The following ZFPM2 variants were observed in gnomAD, a reference collection of about 807,000 sequenced individuals.
ZFPM2 encodes zinc finger protein, FOG family member 2.
ZFPM2 carries 20 observed loss-of-function variants against 98.6 expected under a neutral mutation model. The observed-to-expected ratio is 0.20, with a 90% confidence interval of 0.14 to 0.29. ZFPM2 has a LOEUF of 0.29. ZFPM2 is among the 10% of genes least tolerant of loss of function. The probability of loss-of-function intolerance (pLI) is 1.00; values close to 1 mark genes in which losing one functional copy is unlikely to be tolerated. For missense variants in ZFPM2, 1,310 were observed against 1,388.6 expected (o/e 0.94, Z 0.90); for synonymous variants, 518 against 502.7 (o/e 1.03, Z -0.41).
intron 3 of ZFPM2, among the ~76,000 whole-genome samples, chr8:105,469,750 T>C (rs1259527008): frequency 6.6e-6 from 1 of 152,224 alleles, no homozygotes; most frequent in Non-Finnish European, 1.5e-5. Flanking sequence ...TGTTAACTCA[T>C]TTAGTCTCAT....
At chr8:105,426,390 G>T (rs947535815) in intron 2 of ZFPM2, among the ~76,000 whole-genome samples, 2 of 152,052 alleles carry the variant, frequency 1.3e-5, no homozygotes, top group Non-Finnish European at 2.9e-5. Context: ...CTCTGGATTT[G>T]GCTGGAGTGG....
At chr8:105,647,694 A>G (rs1401954693) in intron 5 of ZFPM2, among the ~76,000 whole-genome samples, 2 of 152,160 alleles carry the variant, frequency 1.3e-5, no homozygotes, top group African/African-American at 2.4e-5. Flanking sequence ...ACGTCCCCAC[A>G]AAGGACATGA....
chr8:105,775,218 GAGAA>G (rs887371208), intron 5 of ZFPM2, among the ~76,000 whole-genome samples: 4 of 152,080 alleles, frequency 2.6e-5, no homozygotes, highest in African/African-American at 9.7e-5. Context: ...GAAGTGGAAG[GAGAA>G]AGAAAGAAAT....
intron 1 of ZFPM2, among the ~76,000 whole-genome samples, chr8:105,344,775 C>T (rs891417158): frequency 6.6e-6 from 1 of 151,818 alleles, no homozygotes; most frequent in African/African-American, 2.4e-5. Flanking sequence ...AGCCATTGTC[C>T]TTTATATCAA....
intron 5 of ZFPM2, among the ~76,000 whole-genome samples, chr8:105,650,981 T>C (rs1817159109): frequency 6.6e-6 from 1 of 152,144 alleles, no homozygotes; most frequent in Admixed American, 6.5e-5. Flanking sequence ...TCTTCAATTC[T>C]AGCGTCTTCT....
intron 5 of ZFPM2, chr8:105,670,050 T>G (rs1223072443): frequency 6.6e-6 from 1 of 152,106 alleles, no homozygotes; most frequent in East Asian, 1.9e-4. Context: ...GAGTCAAACT[T>G]TATTCTTTTT....
intron 3 of ZFPM2, among the ~76,000 whole-genome samples, chr8:105,544,020 AG>A (rs1484669207): frequency 2.6e-5 from 4 of 152,204 alleles, no homozygotes; most frequent in African/African-American, 9.6e-5. Flanking sequence ...GGTTATCAAA[AG>A]GTGTTTTGGA....
At chr8:105,676,711 G>T (rs1194702042) in intron 5 of ZFPM2, among the ~76,000 whole-genome samples, 2 of 151,674 alleles carry the variant, frequency 1.3e-5, no homozygotes, top group Non-Finnish European at 2.9e-5. Context: ...AATGAAAGAT[G>T]GGACAAAGAG....
intron 5 of ZFPM2, among the ~76,000 whole-genome samples, chr8:105,714,289 T>A (rs1811468215): frequency 6.6e-6 from 1 of 152,056 alleles, no homozygotes; most frequent in African/African-American, 2.4e-5. Flanking sequence ...CTTACAGAAA[T>A]GCTACTGATT....
At chr8:105,666,079 A>G (rs1817482981) in intron 5 of ZFPM2, among the ~76,000 whole-genome samples, 1 of 151,690 alleles carries the variant, frequency 6.6e-6, no homozygotes, top group African/African-American at 2.4e-5. Flanking sequence ...TATTATTTGA[A>G]TCATCAATCT....
intron 3 of ZFPM2, among the ~76,000 whole-genome samples, chr8:105,490,771 G>T (rs1813341352): frequency 6.6e-6 from 1 of 152,112 alleles, no homozygotes; most frequent in African/African-American, 2.4e-5. Flanking sequence ...GTGCTTGAAT[G>T]AATGAAATTA....
intron 5 of ZFPM2, among the ~76,000 whole-genome samples, chr8:105,680,468 C>A (rs746732977): frequency 6.6e-6 from 1 of 152,130 alleles, no homozygotes; most frequent in Non-Finnish European, 1.5e-5. Flanking sequence ...AATTGATAAT[C>A]TCCTCCTCCA....
rs869164122 is a variant in ZFPM2, at chr8:105,691,231, C to CTTTTTTTTTTTTTTTTTTTTT, written c.532+56882_532+56902dup. ...CTCAAGCGCCCTGTTCCCAAAGAGA[C>CTTTTTTTTTTTTTTTTTTTTT]TTTTTTTTTTTTTTTTTTTTTTTTT... On this transcript the variant is annotated intron_variant, in intron 5 of 7. Coordinates refer to ENST00000407775, the MANE Select transcript of ZFPM2 (RefSeq NM_012082.4). Among the ~76,000 whole-genome samples the CTTTTTTTTTTTTTTTTTTTTT allele has an allele frequency of 1.6e-4, 11 of 67,966 alleles. 2 individuals carry two copies. Among genetic ancestry groups the CTTTTTTTTTTTTTTTTTTTTT allele is most frequent in the African/African-American group, 6.3e-4 (8 of 12,638 alleles). 44.6% of individuals were successfully genotyped at this position (67,966 alleles called of 152,430 possible).
chr8:105,543,400 C>T (rs2130632549), intron 3 of ZFPM2, among the ~76,000 whole-genome samples: 1 of 152,210 alleles, frequency 6.6e-6, no homozygotes, highest in South Asian at 2.1e-4. Flanking sequence ...GCGGGAGGAT[C>T]ACTTGAACCC....
chr8:105,418,953 G>C lies in ZFPM2; in HGVS notation c.41-191G>C, dbSNP rs1031786341. 4 of 622,868 alleles carry C rather than the reference G, an allele frequency of 6.4e-6. No homozygotes were observed. In the African/African-American group the frequency reaches 7.4e-5, roughly 12 times the overall value. 38.6% of individuals were successfully genotyped at this position (622,868 alleles called of 1,614,324 possible). ...ATAACTTCTGACACTGGTTTCCTTGGATCTTTCATCATAGGTCATTGTTTC... is the reference window on the plus strand; with the variant it reads ...ATAACTTCTGACACTGGTTTCCTTGCATCTTTCATCATAGGTCATTGTTTC... On this transcript the variant is annotated intron_variant, in intron 1 of 7. Coordinates refer to ENST00000407775, the MANE Select transcript of ZFPM2 (RefSeq NM_012082.4).
intron 3 of ZFPM2, chr8:105,451,558 A>G (rs1812485955): frequency 6.6e-6 from 1 of 152,148 alleles, no homozygotes; most frequent in African/African-American, 2.4e-5. Context: ...TCTCTGGGAG[A>G]CATGCAGGAG....
intron 6 of ZFPM2, among the ~76,000 whole-genome samples, chr8:105,791,284 A>AGAGT (rs1233040256): frequency 6.6e-6 from 1 of 152,140 alleles, no homozygotes; most frequent in Non-Finnish European, 1.5e-5. Flanking sequence ...TAATTTATTG[A>AGAGT]GAGTTTTTAG....
intron 4 of ZFPM2, among the ~76,000 whole-genome samples, chr8:105,576,978 T>C (rs1297273126): frequency 6.6e-6 from 1 of 152,182 alleles, no homozygotes. Flanking sequence ...TTTACAGTCA[T>C]ATGAAAGGGT....
intron 3 of ZFPM2, among the ~76,000 whole-genome samples, chr8:105,497,889 AAAT>A (rs1204638376): frequency 1.3e-5 from 2 of 151,998 alleles, no homozygotes; most frequent in Non-Finnish European, 2.9e-5. Context: ...TCAATAAATA[AAAT>A]AATAATAATT....
Sources: gnomAD v4.1 joint callset for allele counts (sites outside exome capture counted in the v4.1 genomes callset) on GRCh38, gnomAD v4.1.1 for gene constraint, MANE v1.5 for transcripts, NCBI Gene and HGNC (gene_info 2026-07-23, HGNC 2026-07-21) for gene names.